ESPL1: variants seen among roughly 807,000 people sequenced by gnomAD.
ESPL1 encodes extra spindle pole bodies like 1, separase.
ESPL1 carries 50 observed loss-of-function variants against 217.2 expected under a neutral mutation model. That is an observed-to-expected ratio of 0.23 (90% CI 0.18 to 0.29). ESPL1 has a LOEUF of 0.29. ESPL1 is among the 10% of genes least tolerant of loss of function. The pLI, the probability that ESPL1 is intolerant of heterozygous loss-of-function variation, is 1.00. For missense variants in ESPL1, 1,834 were observed against 2,603.0 expected (o/e 0.70, Z 6.43); for synonymous variants, 994 against 1,081.3 (o/e 0.92, Z 1.58).
At chr12:53,290,258 C>A in intron 23 of ESPL1, 46 bp downstream of exon 23, 1 of 1,611,624 alleles carries the variant, frequency 6.2e-7, no homozygotes, top group Non-Finnish European at 8.5e-7. Context: ...GATTGGGCTT[C>A]GGGTCAAGCT....
chr12:53,271,177 T>G (rs1182179899), intron 5 of ESPL1, among the ~76,000 whole-genome samples: 1 of 146,936 alleles, frequency 6.8e-6, no homozygotes, highest in Non-Finnish European at 1.5e-5. Flanking sequence ...TAAGTGTTTT[T>G]TTTTTTTTTT....
chr12:53,272,071 A>G (rs1285141486), intron 5 of ESPL1, among the ~76,000 whole-genome samples: 1 of 139,510 alleles, frequency 7.2e-6, no homozygotes, highest in African/African-American at 2.8e-5. Context: ...TGAGCGACAG[A>G]GCAAGACTCT....
At chr12:53,278,869 A>G (rs1345162830) in intron 11 of ESPL1, among the ~76,000 whole-genome samples, 1 of 151,436 alleles carries the variant, frequency 6.6e-6, no homozygotes, top group Non-Finnish European at 1.5e-5. Context: ...TACAGGCGTG[A>G]GCCACCGCAC....
intron 12 of ESPL1, among the ~76,000 whole-genome samples, chr12:53,280,580 G>A (rs554197497): frequency 1.3e-5 from 2 of 152,010 alleles, no homozygotes; most frequent in African/African-American, 2.4e-5. Context: ...TGTTGCCCAG[G>A]CTGGTCTTGA....
chr12:53,277,251 C>T (rs1469655360), intron 9 of ESPL1, 24 bp downstream of exon 9: 4 of 1,598,186 alleles, frequency 2.5e-6, no homozygotes, highest in East Asian at 2.3e-5. Flanking sequence ...CTGTGGGGCT[C>T]ACCAGAACTG....
chr12:53,269,887 G>C lies in ESPL1; in HGVS notation c.945G>C (p.Leu315=), dbSNP rs753106007. The change falls in exon 3 of 31, where the codon CTG becomes CTC. Residue 315 remains leucine (L), a synonymous_variant. Coordinates refer to ENST00000257934, the MANE Select transcript of ESPL1 (RefSeq NM_012291.5). This position sits in a 1 kb window ranked among gnomAD's most constrained non-coding sequence, Gnocchi z 6.7. Reference sequence around the variant, plus strand: ...GACCTCAGGCAGTGGCCAAGCTTCTGATCAAGGCATCAGCTGTCCTGAGCA... The same window carrying C: ...GACCTCAGGCAGTGGCCAAGCTTCTCATCAAGGCATCAGCTGTCCTGAGCA... ...EEGPQAVAKL[L]IKASAVLSKS... is the part of the protein sequence containing the mutation. 1 of 1,614,200 alleles carries C rather than the reference G, an allele frequency of 6.2e-7. No individual in the cohort carries two copies. Among genetic ancestry groups the C allele is most frequent in the Non-Finnish European group, 8.5e-7 (1 of 1,180,048 alleles).
At position 53,292,115 on chromosome 12, in the gene ESPL1, G is replaced by C. The variant is rs1944071991; in HGVS notation, c.5796+27G>C. 1 of 1,567,268 alleles carries C rather than the reference G, an allele frequency of 6.4e-7. No homozygotes were observed. ...TGGGGTTCAGGGCGTAGTGTCTGGG[G>C]ATGACTGGCGACTGGGGAAGACGTC... On this transcript the variant is annotated intron_variant, in intron 27 of 30. Coordinates refer to ENST00000257934, the MANE Select transcript of ESPL1 (RefSeq NM_012291.5). This position sits in a 1 kb window ranked among gnomAD's most constrained non-coding sequence, Gnocchi z 4.5.
At chr12:53,283,321 T>C (rs1382018707) in intron 15 of ESPL1, 61 bp from the exon 16 acceptor site, 3 of 1,611,586 alleles carry the variant, frequency 1.9e-6, no homozygotes, top group Non-Finnish European at 2.5e-6. Flanking sequence ...GGGCTGCGGT[T>C]TTTTCTCCAG....
Position 53,293,240 on chromosome 12 carries a change from C to T in ESPL1, c.6162-33C>T. The T allele has an allele frequency of 6.3e-7, 1 of 1,576,434 alleles. No individual in the cohort carries two copies. Among genetic ancestry groups the T allele is most frequent in the South Asian group, 1.1e-5 (1 of 90,272 alleles). ...TTCCTATGTATTCTGTTTTAGAGCC[C>T]TTACTTTGTATTTCCTCCTTTTCTT... is the stretch of plus-strand genomic sequence containing the variant. On this transcript the variant is annotated intron_variant, in intron 30 of 30. Transcript: ENST00000257934. This position sits in a 1 kb window ranked among gnomAD's most constrained non-coding sequence, Gnocchi z 4.2.
intron 6 of ESPL1, among the ~76,000 whole-genome samples, chr12:53,273,195 C>T (rs1943708268): frequency 6.6e-6 from 1 of 151,814 alleles, no homozygotes; most frequent in South Asian, 2.1e-4. Flanking sequence ...CCCACCACCA[C>T]GCCCAGCTAA....
At position 53,282,253 on chromosome 12, in the gene ESPL1, C is replaced by T. The variant is rs769971616; in HGVS notation, c.2620-11C>T. 5.0e-6 allele frequency: 8 copies of T among 1,612,882 alleles called. No individual in the cohort carries two copies. The highest frequency in any genetic ancestry group is 6.8e-6 in the Non-Finnish European group (8 of 1,179,150). ...GCCTTACTGCCTCCTCTGGCTCCTTCTCTCCTTCAGGTGACCAAGGGTGTC... is the reference window on the plus strand; with the variant it reads ...GCCTTACTGCCTCCTCTGGCTCCTTTTCTCCTTCAGGTGACCAAGGGTGTC... On this transcript the variant is annotated splice_polypyrimidine_tract_variant and intron_variant, in intron 13 of 30. Coordinates refer to ENST00000257934, the MANE Select transcript of ESPL1 (RefSeq NM_012291.5). The surrounding 1 kb of genome is among the most constrained non-coding windows in gnomAD (Gnocchi z 4.0).
chr12:53,273,344 GACTC>G (rs1042435750), intron 6 of ESPL1, among the ~76,000 whole-genome samples: 1 of 151,698 alleles, frequency 6.6e-6, no homozygotes, highest in African/African-American at 2.4e-5. Context: ...CAGCCGGCCT[GACTC>G]ACTTTTTATA....
At position 53,274,792 on chromosome 12, in the gene ESPL1, T is replaced by C. The variant is rs374148983; in HGVS notation, c.1507-25T>C. ...CACACTCACTGGTTCCTCTCCAGTT[T>C]GGTCTGTTCCCTTTCTCTGGTCAGT... On this transcript the variant is annotated intron_variant, in intron 6 of 30. Transcript: ENST00000257934. 15 of 1,596,316 alleles carry C rather than the reference T, an allele frequency of 9.4e-6. No individual in the cohort carries two copies. In the African/African-American group the frequency reaches 2.0e-4, roughly 21 times the overall value.
rs369432202 is a variant in ESPL1 at position 53,269,319 on chromosome 12, C to A, written c.377C>A (p.Ala126Asp). The A allele has an allele frequency of 1.2e-6, 2 of 1,614,200 alleles. No individual in the cohort carries two copies. Among genetic ancestry groups the A allele is most frequent in the Non-Finnish European group, 8.5e-7 (1 of 1,180,050 alleles). ...ATLRLAQPLH[A>D]CLVQCSREAA... ...CTCCGCCTTGCTCAGCCCCTCCATG[C>A]CTGCTTGGTGCAGTGCTCTCGCGAG... The change falls in exon 3 of 31, where the codon GCC (alanine) becomes GAC (aspartate). Residue 126 changes from alanine to aspartate, a missense_variant. This residue lies in a region of ESPL1 where 746 missense variants were observed against 1,077.0 expected (regional missense o/e 0.69). Coordinates refer to ENST00000257934, the MANE Select transcript of ESPL1 (RefSeq NM_012291.5). This position sits in a 1 kb window ranked among gnomAD's most constrained non-coding sequence, Gnocchi z 6.7.
intron 8 of ESPL1, 67 bp downstream of exon 8, chr12:53,276,926 C>T (rs1258676774): frequency 7.6e-6 from 12 of 1,580,072 alleles, no homozygotes; most frequent in Non-Finnish European, 8.6e-6. Flanking sequence ...CTCTTGAGAA[C>T]CAGTTTCCCT....
intron 7 of ESPL1, 99 bp from the exon 8 acceptor site, chr12:53,276,521 C>T: frequency 7.4e-7 from 1 of 1,357,394 alleles, no homozygotes; most frequent in Non-Finnish European, 9.8e-7. Flanking sequence ...TGGAAACCTA[C>T]TGAGCAAGCC....
At position 53,293,509 on chromosome 12, in the gene ESPL1, CATAA is replaced by C. The variant is rs1944099707; in HGVS notation, c.*36_*39del. On this transcript the variant is annotated 3_prime_UTR_variant, in exon 31 of 31. Coordinates refer to ENST00000257934, the MANE Select transcript of ESPL1 (RefSeq NM_012291.5). The surrounding 1 kb of genome is among the most constrained non-coding windows in gnomAD (Gnocchi z 4.2). ...GCTGTCTTATTGATGCTAGAAGCCT[CATAA>C]CTGTTCTACCTCCAAGGTTAGATTT... 6.8e-7 allele frequency: 1 copy of C among 1,477,392 alleles called. No individual in the cohort carries two copies. The highest frequency in any genetic ancestry group is 1.4e-5 in the African/African-American group (1 of 72,042). The allele number at this position is 1,477,392 out of a possible 1,614,324, so 91.5% of individuals were successfully genotyped here. A position where few individuals can be genotyped will look rare whatever the true frequency, so the allele number is the denominator to read the frequency against.
chr12:53,269,869 G>A lies in ESPL1; in HGVS notation c.927G>A (p.Gln309=), dbSNP rs377512325. The change falls in exon 3 of 31, where the codon CAG becomes CAA. Residue 309 remains glutamine, a synonymous_variant. Coordinates refer to ENST00000257934, the MANE Select transcript of ESPL1 (RefSeq NM_012291.5). The surrounding 1 kb of genome is among the most constrained non-coding windows in gnomAD (Gnocchi z 6.7). ...TGCAGGTTGGGGAGGAAGGACCTCA[G>A]GCAGTGGCCAAGCTTCTGATCAAGG... ...KLLQVGEEGP[Q]AVAKLLIKAS... 3 of 1,614,228 alleles carry A rather than the reference G, an allele frequency of 1.9e-6. No homozygotes were observed. In the South Asian group the frequency reaches 3.3e-5, roughly 18 times the overall value.
Position 53,290,984 on chromosome 12 carries a change from C to T in ESPL1, c.5508C>T (p.Arg1836=). The change falls in exon 25 of 31, where the codon CGC becomes CGT. Residue 1836 remains arginine (R), a synonymous_variant. Coordinates refer to ENST00000257934, the MANE Select transcript of ESPL1 (RefSeq NM_012291.5). ...LQDCGWKYPD[R]TLLKIMLSGA... is the part of the protein sequence containing the mutation. ...ACTGTGGCTGGAAATATCCTGACCG[C>T]ACTCTGCTGAAAGTGAGTGAGGAAA... 6.3e-7 allele frequency: 1 copy of T among 1,590,504 alleles called. No homozygotes were observed. Among genetic ancestry groups the T allele is most frequent in the Non-Finnish European group, 8.6e-7 (1 of 1,168,666 alleles).
Sources: gnomAD v4.1 joint callset for allele counts (sites outside exome capture counted in the v4.1 genomes callset) on GRCh38, gnomAD v4.1.1 for gene constraint, gnomAD v4.1.1 regional missense constraint, Gnocchi (gnomAD v3.1) non-coding constraint, MANE v1.5 for transcripts, NCBI Gene and HGNC (gene_info 2026-07-23, HGNC 2026-07-21) for gene names.